The following YY1 variants were observed in gnomAD, a reference collection of about 807,000 sequenced individuals.
YY1 encodes transcriptional repressor protein YY1.
In YY1, 2 loss-of-function variants were observed where a neutral mutation model predicts 35.6. That is an observed-to-expected ratio of 0.06 (90% confidence interval 0.02 to 0.18). The LOEUF (loss-of-function observed/expected upper bound fraction) is 0.18. YY1 is among the 10% of genes least tolerant of loss of function. YY1 has a pLI of 1.00. For missense variants in YY1, 322 were observed against 573.4 expected, an observed-to-expected ratio of 0.56 and a Z score of 4.48; for synonymous variants, 268 against 238.9, an observed-to-expected ratio of 1.12 and a Z score of -1.12.
intron 1 of YY1, among the ~76,000 whole-genome samples, chr14:100,254,286 G>A (rs574056265): frequency 4.7e-4 from 72 of 152,170 alleles, no homozygotes; most frequent in Non-Finnish European, 8.5e-4. Context: ...TAGCAAAATG[G>A]CCAAATGATA....
intron 1 of YY1, among the ~76,000 whole-genome samples, chr14:100,248,121 C>CTTTTTTTTTTTTT (rs10694000): frequency 6.8e-5 from 8 of 117,628 alleles, no homozygotes; most frequent in South Asian, 5.7e-4. Flanking sequence ...ATTTTTTTTT[C>CTTTTTTTTTTTTT]TTTTTTTTTT....
intron 2 of YY1, among the ~76,000 whole-genome samples, chr14:100,270,656 G>A (rs980025218): frequency 1.3e-5 from 2 of 151,838 alleles, no homozygotes; most frequent in Non-Finnish European, 2.9e-5. Flanking sequence ...TATGAGAGAG[G>A]ACCTTACTAA....
intron 2 of YY1, among the ~76,000 whole-genome samples, chr14:100,270,178 G>T (rs938679446): frequency 7.1e-6 from 1 of 140,934 alleles, no homozygotes; most frequent in Non-Finnish European, 1.5e-5. Flanking sequence ...CAGGAGAATG[G>T]CCTGAACCTG....
chr14:100,258,932 A>C (rs1270345436), intron 1 of YY1, among the ~76,000 whole-genome samples: 2 of 152,228 alleles, frequency 1.3e-5, no homozygotes, highest in Non-Finnish European at 1.5e-5. Context: ...CTCATACTCC[A>C]GCTTTGCTCT....
At chr14:100,247,141 C>G (rs1253095845) in intron 1 of YY1, among the ~76,000 whole-genome samples, 1 of 152,114 alleles carries the variant, frequency 6.6e-6, no homozygotes. Flanking sequence ...ATGTTGGACT[C>G]CTAGGTGGAT....
intron 1 of YY1, among the ~76,000 whole-genome samples, chr14:100,257,499 T>A (rs138569054): frequency 9.3e-4 from 142 of 152,256 alleles, no homozygotes; most frequent in African/African-American, 3.3e-3. Context: ...AATGTGATGG[T>A]ATTAGAGGGT....
At chr14:100,264,669 G>A (rs935948194) in intron 2 of YY1, among the ~76,000 whole-genome samples, 2 of 152,156 alleles carry the variant, frequency 1.3e-5, no homozygotes, top group South Asian at 2.1e-4. Context: ...TGAGTAGAGC[G>A]TTAACTTGGG....
chr14:100,260,469 ATTTT>A (rs34225673), intron 1 of YY1, among the ~76,000 whole-genome samples: 130 of 139,144 alleles, frequency 9.3e-4, no homozygotes, highest in Non-Finnish European at 1.4e-3. Context: ...ACATATATGT[ATTTT>A]TTTTTTTTTT....
intron 2 of YY1, among the ~76,000 whole-genome samples, chr14:100,264,477 T>C (rs554662039): frequency 6.6e-6 from 1 of 152,244 alleles, no homozygotes; most frequent in South Asian, 2.1e-4. Context: ...CAGCTGGCCC[T>C]AGAGTTTTGA....
intron 1 of YY1, among the ~76,000 whole-genome samples, chr14:100,247,994 G>A (rs1052231511): frequency 2.0e-5 from 3 of 152,138 alleles, no homozygotes; most frequent in Non-Finnish European, 4.4e-5. Flanking sequence ...TGCCCAGGCT[G>A]GAGTGCAGTG....
At chr14:100,272,398 A>T (rs1262748277) in intron 2 of YY1, among the ~76,000 whole-genome samples, 1 of 152,168 alleles carries the variant, frequency 6.6e-6, no homozygotes, top group Non-Finnish European at 1.5e-5. Context: ...GATAAGTGAT[A>T]GTTACCAGAT....
chr14:100,271,157 G>T (rs1459358238), intron 2 of YY1, among the ~76,000 whole-genome samples: 1 of 152,126 alleles, frequency 6.6e-6, no homozygotes, highest in Non-Finnish European at 1.5e-5. Flanking sequence ...TGAGGCAGGA[G>T]AATGGCATGA....
chr14:100,257,901 G>C (rs1335096935), intron 1 of YY1, among the ~76,000 whole-genome samples: 2 of 152,164 alleles, frequency 1.3e-5, no homozygotes, highest in African/African-American at 4.8e-5. Context: ...CACTTTGGTA[G>C]GCCAAGGCGG....
Position 100,241,834 on chromosome 14 carries a change from C to T in YY1, c.679+1911C>T, listed in dbSNP as rs1367553316. 3.3e-5 allele frequency among the ~76,000 whole-genome samples: 5 copies of T among 151,986 alleles called. No individual in the cohort carries two copies. The East Asian group carries it at 9.6e-4, about 29-fold the overall frequency. ...ACTAAAAATATAAAAATTAGCCAGG[C>T]GTGATGGCGGGAGCCCGTAATCCCA... On this transcript the variant is annotated intron_variant, in intron 1 of 4. Coordinates refer to ENST00000262238, the MANE Select transcript of YY1 (RefSeq NM_003403.5).
intron 2 of YY1, among the ~76,000 whole-genome samples, chr14:100,271,709 C>A (rs1424877047): frequency 6.6e-6 from 1 of 151,970 alleles, no homozygotes; most frequent in African/African-American, 2.4e-5. Flanking sequence ...CGTTCTGTCA[C>A]CGAAGTTGGA....
At position 100,239,655 on chromosome 14, in the gene YY1, G is replaced by A. The variant is rs1310592536; in HGVS notation, c.411G>A (p.Ala137=). The A allele has an allele frequency of 6.2e-7, 1 of 1,610,030 alleles. No individual in the cohort carries two copies. The highest frequency in any genetic ancestry group is 8.5e-7 in the Non-Finnish European group (1 of 1,179,558). The change falls in exon 1 of 5, where the codon GCG becomes GCA. Residue 137 remains alanine (A), a synonymous_variant. Coordinates refer to ENST00000262238, the MANE Select transcript of YY1 (RefSeq NM_003403.5). ...FEDQILIPVP[A]PAGGDDDYIE... is the part of the protein sequence containing the mutation. Reference sequence around the variant, plus strand: ...ATCAGATTCTCATCCCGGTGCCCGCGCCGGCCGGCGGCGACGACGACTACA... The same window carrying A: ...ATCAGATTCTCATCCCGGTGCCCGCACCGGCCGGCGGCGACGACGACTACA...
At chr14:100,258,340 G>GTCAGTAACCATATTTCCTGTC (rs1406692271) in intron 1 of YY1, among the ~76,000 whole-genome samples, 29 of 152,156 alleles carry the variant, frequency 1.9e-4, no homozygotes, top group Non-Finnish European at 3.1e-4. Context: ...GTGTCTTAGG[G>GTCAGTAACCATATTTCCTGTC]TCAGTAACCA....
In YY1 at chr14:100,277,386, G is replaced by T. The variant is rs987051591; in HGVS notation, c.1063-32G>T. On this transcript the variant is annotated intron_variant, in intron 4 of 4. Coordinates refer to ENST00000262238, the MANE Select transcript of YY1 (RefSeq NM_003403.5). This position sits in a 1 kb window ranked among gnomAD's most constrained non-coding sequence, Gnocchi z 5.6. The stretch of plus-strand genomic sequence containing the variant: ...CTCCCAGGGTCTGGTCAGAGTTGCT[G>T]AGTGGGTTGATCTCTGGTCTTTCCT... 3.1e-6 allele frequency: 5 copies of T among 1,614,074 alleles called. No homozygotes were observed. The Admixed American group carries it at 5.0e-5, about 16-fold the overall frequency.
At chr14:100,268,020 A>G (rs1345437354) in intron 2 of YY1, among the ~76,000 whole-genome samples, 1 of 152,198 alleles carries the variant, frequency 6.6e-6, no homozygotes, top group African/African-American at 2.4e-5. Flanking sequence ...GAAGATACAG[A>G]GGCACCAAGA....
Sources: gnomAD v4.1 joint callset for allele counts (sites outside exome capture counted in the v4.1 genomes callset) on GRCh38, gnomAD v4.1.1 for gene constraint, Gnocchi (gnomAD v3.1) non-coding constraint, MANE v1.5 for transcripts, NCBI Gene and HGNC (gene_info 2026-07-23, HGNC 2026-07-21) for gene names.